PRDM15: variants seen among roughly 807,000 people sequenced by gnomAD.
PRDM15 encodes the protein PR domain zinc finger protein 15.
In PRDM15, 64 loss-of-function variants were observed where a neutral mutation model predicts 128.6. That is an observed-to-expected ratio of 0.50 (90% CI 0.41 to 0.61). The LOEUF is 0.61. PRDM15 is among the 20% of genes least tolerant of loss of function. The pLI is 0.00. For missense variants in PRDM15, 1,242 were observed against 1,569.1 expected (o/e 0.79, Z 3.52); for synonymous variants, 615 against 621.8 (o/e 0.99, Z 0.16).
intron 11 of PRDM15, among the ~76,000 whole-genome samples, chr21:41,830,326 ACAC>A (rs2062641707): frequency 6.6e-6 from 1 of 151,674 alleles, no homozygotes; most frequent in Admixed American, 6.6e-5. Flanking sequence ...CTCAACACAT[ACAC>A]CACACACAAC....
intron 11 of PRDM15, 44 bp downstream of exon 11, chr21:41,835,393 C>T (rs570399876): frequency 1.2e-5 from 18 of 1,507,922 alleles, no homozygotes; most frequent in East Asian, 2.3e-5. Flanking sequence ...ATCTAGAATC[C>T]GTACCGCACA....
At chr21:41,861,622 T>C in intron 1 of PRDM15, 1 of 1,613,828 alleles carries the variant, frequency 6.2e-7, no homozygotes, top group South Asian at 1.1e-5. Context: ...TTTAGGAAAG[T>C]GTGCATGCTG....
At chr21:41,827,372 TA>T (rs2146463134) in intron 12 of PRDM15, among the ~76,000 whole-genome samples, 1 of 152,320 alleles carries the variant, frequency 6.6e-6, no homozygotes, top group African/African-American at 2.4e-5. Context: ...TTTTTGTATA[TA>T]TTTTTTGAGA....
chr21:41,856,253 C>T (rs2063625632), intron 4 of PRDM15, among the ~76,000 whole-genome samples: 1 of 47,992 alleles, frequency 2.1e-5, no homozygotes, highest in Non-Finnish European at 4.2e-5. Context: ...TCCTTCCCTC[C>T]CTCCCCTCCC....
chr21:41,869,207 C>T (rs978444551), intron 1 of PRDM15, among the ~76,000 whole-genome samples: 1 of 152,182 alleles, frequency 6.6e-6, no homozygotes, highest in African/African-American at 2.4e-5. Context: ...TTCCCTTTCA[C>T]AGACTATGCT....
intron 6 of PRDM15, among the ~76,000 whole-genome samples, chr21:41,841,866 G>A (rs982348702): frequency 8.5e-5 from 13 of 152,086 alleles, no homozygotes; most frequent in African/African-American, 2.4e-4. Flanking sequence ...ATTTCTCCTC[G>A]TAGATCTGCC....
intron 1 of PRDM15, chr21:41,871,751 T>A: frequency 1.9e-6 from 2 of 1,038,204 alleles, no homozygotes; most frequent in Non-Finnish European, 1.4e-6. Flanking sequence ...AGCAGCCTCC[T>A]TCCTGGATGG....
At chr21:41,839,158 C>T (rs1380937624) in intron 7 of PRDM15, among the ~76,000 whole-genome samples, 1 of 152,210 alleles carries the variant, frequency 6.6e-6, no homozygotes, top group Non-Finnish European at 1.5e-5. Context: ...ACTCAGTGCC[C>T]ACCCACAGGT....
At position 41,801,227 on chromosome 21, in the gene PRDM15, C is replaced by T. The variant is rs1568864948; in HGVS notation, c.*13G>A. The T allele has an allele frequency of 1.3e-6, 2 of 1,511,600 alleles. No homozygotes were observed. The highest frequency in any genetic ancestry group is 1.8e-6 in the Non-Finnish European group (2 of 1,134,262). The allele number at this position is 1,511,600 out of a possible 1,614,324, so 93.6% of individuals were successfully genotyped here. ...CCTCTGCAGTTCTTGCCCCGAGTCT[C>T]CCGGAACGCAGCTCAGTAGCTGTAC... On this transcript the variant is annotated 3_prime_UTR_variant, in exon 24 of 24. Coordinates refer to ENST00000398548, the MANE Select transcript of PRDM15 (RefSeq NM_001040424.3).
intron 6 of PRDM15, among the ~76,000 whole-genome samples, chr21:41,842,516 G>A (rs1054351234): frequency 5.9e-5 from 9 of 152,120 alleles, no homozygotes; most frequent in African/African-American, 1.9e-4. Context: ...TTTTTGAGAC[G>A]GAGTCTCGCT....
chr21:41,838,344 C>T (rs895834063), intron 7 of PRDM15, among the ~76,000 whole-genome samples: 2 of 152,242 alleles, frequency 1.3e-5, no homozygotes, highest in Non-Finnish European at 2.9e-5. Flanking sequence ...TTCAATCCCT[C>T]TTCATACCAA....
chr21:41,841,521 G>T (rs545029178), intron 6 of PRDM15, among the ~76,000 whole-genome samples: 2 of 151,632 alleles, frequency 1.3e-5, no homozygotes, highest in South Asian at 4.2e-4. Flanking sequence ...TTAGATTGAG[G>T]GTCAGAAATA....
chr21:41,810,022 G>T lies in PRDM15; in HGVS notation c.2652+132C>A. 3.8e-5 allele frequency: 33 copies of T among 860,978 alleles called. No individual in the cohort carries two copies. The South Asian group carries it at 5.4e-4, about 14-fold the overall frequency. The allele number at this position is 860,978 out of a possible 1,614,324, so 53.3% of individuals were successfully genotyped here. A position where few individuals can be genotyped will look rare whatever the true frequency, so the allele number is the denominator to read the frequency against. ...TGTGTGGCAGGCAGTGCCAGTCACA[G>T]ACGCACCTAAGACTCAGGGCCTGCC... On this transcript the variant is annotated intron_variant, in intron 21 of 23. Coordinates refer to ENST00000398548, the MANE Select transcript of PRDM15 (RefSeq NM_001040424.3). This position sits in a 1 kb window ranked among gnomAD's most constrained non-coding sequence, Gnocchi z 6.4.
chr21:41,809,170 T>C (rs1398525722), intron 21 of PRDM15, among the ~76,000 whole-genome samples: 2 of 152,354 alleles, frequency 1.3e-5, no homozygotes, highest in East Asian at 3.9e-4. Context: ...CAGTGAGTGC[T>C]TGTTATCACT....
At chr21:41,806,262 C>T (rs1601744550) in intron 21 of PRDM15, among the ~76,000 whole-genome samples, 1 of 1,118 alleles carries the variant, frequency 8.9e-4, no homozygotes. Flanking sequence ...CCACCATCAC[C>T]ACCACCCATC....
At chr21:41,825,262 G>A (rs2062427073) in intron 13 of PRDM15, among the ~76,000 whole-genome samples, 1 of 152,260 alleles carries the variant, frequency 6.6e-6, no homozygotes, top group African/African-American at 2.4e-5. Context: ...TTGGGGCCAT[G>A]GCAGCCTGAC....
At chr21:41,858,835 GA>G (rs934065658) in intron 3 of PRDM15, among the ~76,000 whole-genome samples, 10 of 151,444 alleles carry the variant, frequency 6.6e-5, no homozygotes, top group Non-Finnish European at 1.3e-4. Flanking sequence ...GTCACACTAA[GA>G]AAAAAAAATA....
At chr21:41,833,680 G>A (rs572412387) in intron 11 of PRDM15, among the ~76,000 whole-genome samples, 24 of 152,326 alleles carry the variant, frequency 1.6e-4, no homozygotes, top group African/African-American at 5.5e-4. Flanking sequence ...AAGAGGTGGT[G>A]CGATGCAGGT....
Position 41,801,606 on chromosome 21 carries a change from C to A in PRDM15, c.3060G>T (p.Gln1020His). 6.2e-7 allele frequency: 1 copy of A among 1,614,138 alleles called. No individual in the cohort carries two copies. The highest frequency in any genetic ancestry group is 1.3e-5 in the African/African-American group (1 of 75,012). ...TGGTAAGGTGCCCCACGGCCACCGG[C>A]TGGAGATTGGTAAACTGAGTCGCGG... ...TAAATQFTNL[Q>H]PVAVGHLTTP... The change falls in exon 24 of 24, where the codon CAG becomes CAT. Residue 1020 changes from glutamine (Q) to histidine (H), a missense_variant. Gln to His is a conservative substitution (Grantham distance 24). This residue lies in a region of PRDM15 where 602 missense variants were observed against 788.3 expected (regional missense o/e 0.76). Transcript: ENST00000398548.
Sources: allele counts gnomAD v4.1 joint callset (sites outside exome capture counted in the v4.1 genomes callset), GRCh38; gene constraint gnomAD v4.1.1; regional missense constraint gnomAD v4.1.1; non-coding constraint Gnocchi (gnomAD v3.1); transcripts MANE v1.5; gene names NCBI Gene and HGNC (gene_info 2026-07-23, HGNC 2026-07-21).